Variants in TP53BP1 observed in about 807,000 individuals in gnomAD.
TP53BP1 encodes the protein TP53-binding protein 1.
A neutral mutation model predicts 200.8 loss-of-function variants in TP53BP1; 61 were observed. That is an observed-to-expected ratio of 0.30 (90% confidence interval 0.25 to 0.38). The LOEUF is 0.38. TP53BP1 is among the 10% of genes least tolerant of loss of function. The pLI, the probability that TP53BP1 is intolerant of heterozygous loss-of-function variation, is 1.00. For synonymous variants in TP53BP1, 822 were observed against 844.3 expected (o/e 0.97, Z 0.46); for missense variants, 2,144 against 2,371.9 (o/e 0.90, Z 2.00).
At position 43,423,564 on chromosome 15, in the gene TP53BP1, G is replaced by A. The variant is rs112454934; in HGVS notation, c.3829-1438C>T. 6.9e-3 allele frequency among the ~76,000 whole-genome samples: 967 copies of A among 139,908 alleles called. 8 individuals carry two copies. Among genetic ancestry groups the A allele is most frequent in the African/African-American group, 0.028 (917 of 32,568 alleles). The allele number at this position is 139,908 out of a possible 152,430, so 91.8% of individuals were successfully genotyped here. On this transcript the variant is annotated intron_variant, in intron 18 of 27. Transcript: ENST00000382044. Reference sequence around the variant, plus strand: ...CCCAGGTACTCGAAAAGCTGAGGCAGAAGAATCACATGTGAACCTGGGAGA... The same window carrying A: ...CCCAGGTACTCGAAAAGCTGAGGCAAAAGAATCACATGTGAACCTGGGAGA...
chr15:43,479,655 C>G, intron 6 of TP53BP1, 129 bp from the exon 7 acceptor site: 3 of 1,196,092 alleles, frequency 2.5e-6, no homozygotes, highest in Non-Finnish European at 3.5e-6. Context: ...AGGCATCAGT[C>G]TATAAAGGAA....
At position 43,456,559 on chromosome 15, in the gene TP53BP1, T is replaced by C. The variant is rs146377233; in HGVS notation, c.2049A>G (p.Glu683=). Residue 683 remains glutamate, a synonymous_variant, in exon 12 of 28, where the codon GAA becomes GAG. Coordinates refer to ENST00000382044, the MANE Select transcript of TP53BP1 (RefSeq NM_001141980.3). Reference sequence around the variant, plus strand: ...CACTCTCCATATTTTCTTCTTTGAGTTCCTCTCCTTGACTTTCACAAGGTG... The same window carrying C: ...CACTCTCCATATTTTCTTCTTTGAGCTCCTCTCCTTGACTTTCACAAGGTG... ...PETPCESQGE[E]LKEENMESVP... 9 of 1,612,972 alleles carry C rather than the reference T, an allele frequency of 5.6e-6. No homozygotes were observed. The highest frequency in any genetic ancestry group is 1.6e-4 in the Middle Eastern group (1 of 6,070).
At chr15:43,458,614 T>C (rs1293720531) in intron 11 of TP53BP1, among the ~76,000 whole-genome samples, 2 of 151,808 alleles carry the variant, frequency 1.3e-5, no homozygotes, top group Non-Finnish European at 2.9e-5. Flanking sequence ...ACCCCATGTC[T>C]ACAGAAACTT....
chr15:43,492,728 C>T (rs1409845444), intron 1 of TP53BP1, among the ~76,000 whole-genome samples: 2 of 151,832 alleles, frequency 1.3e-5, no homozygotes, highest in Non-Finnish European at 2.9e-5. Context: ...CTTTCCCCTC[C>T]TTCCTAACCT....
At position 43,438,993 on chromosome 15, in the gene TP53BP1, A is replaced by G. The variant is rs1463178535; in HGVS notation, c.3099-577T>C. The stretch of plus-strand genomic sequence containing the variant: ...CCTTATCTTTTGGAGACAGCACTGA[A>G]GTATTTCAGATAAAATTATATAATG... On this transcript the variant is annotated intron_variant, in intron 15 of 27. Coordinates refer to ENST00000382044, the MANE Select transcript of TP53BP1 (RefSeq NM_001141980.3). Among the ~76,000 whole-genome samples the G allele has an allele frequency of 2.0e-5, 3 of 152,214 alleles. No homozygotes were observed. In the East Asian group the frequency reaches 5.8e-4, roughly 29 times the overall value.
chr15:43,492,217 A>G (rs879014783), intron 2 of TP53BP1, 67 bp downstream of exon 2: 4 of 1,522,882 alleles, frequency 2.6e-6, no homozygotes, highest in Non-Finnish European at 3.6e-6. Context: ...CTAAATACTT[A>G]TGTTTGCTGG....
chr15:43,489,848 C>T (rs2079095834), intron 4 of TP53BP1, among the ~76,000 whole-genome samples: 2 of 152,012 alleles, frequency 1.3e-5, no homozygotes, highest in Admixed American at 1.3e-4. Context: ...ATTTATTTTA[C>T]TTGATGATTT....
intron 12 of TP53BP1, among the ~76,000 whole-genome samples, chr15:43,453,380 T>A (rs1407218274): frequency 1.3e-5 from 2 of 152,024 alleles, no homozygotes; most frequent in Non-Finnish European, 2.9e-5. Flanking sequence ...AATCAAATAA[T>A]CTGTATTAAG....
rs575614482 is a variant in TP53BP1, at chr15:43,432,098, G to T, written c.3675+96C>A. ...CCACTGTTCTGTACAAAACTGTCAAGAATTGTCATTAGGCAGACATGCCAC... is the reference window on the plus strand; with the variant it reads ...CCACTGTTCTGTACAAAACTGTCAATAATTGTCATTAGGCAGACATGCCAC... On this transcript the variant is annotated intron_variant, in intron 17 of 27. Transcript: ENST00000382044. 2.0e-6 allele frequency: 3 copies of T among 1,499,570 alleles called. No individual in the cohort carries two copies. In the South Asian group the frequency reaches 4.0e-5, roughly 20 times the overall value. 92.9% of individuals were successfully genotyped at this position (1,499,570 alleles called of 1,614,324 possible).
intron 15 of TP53BP1, 99 bp from the exon 16 acceptor site, chr15:43,438,515 T>A: frequency 9.9e-7 from 1 of 1,007,654 alleles, no homozygotes; most frequent in Non-Finnish European, 1.4e-6. Flanking sequence ...ATGCTTTCTC[T>A]GCATATCAAA....
chr15:43,499,227 C>T (rs1285301141), intron 1 of TP53BP1, among the ~76,000 whole-genome samples: 1 of 151,848 alleles, frequency 6.6e-6, no homozygotes, highest in Non-Finnish European at 1.5e-5. Flanking sequence ...GTAACGTCTA[C>T]GTACAAAGAA....
chr15:43,480,698 G>A (rs952251033), intron 5 of TP53BP1, among the ~76,000 whole-genome samples, 197 bp downstream of exon 5: 1 of 152,004 alleles, frequency 6.6e-6, no homozygotes, highest in South Asian at 2.1e-4. Context: ...ATGCAGAAAG[G>A]GGCTAACCAA....
intron 10 of TP53BP1, 132 bp from the exon 11 acceptor site, chr15:43,470,198 G>A: frequency 1.3e-6 from 1 of 764,248 alleles, no homozygotes; most frequent in Non-Finnish European, 2.1e-6. Context: ...TTTCAGAAAA[G>A]CTGACAGAAT....
Position 43,479,528 on chromosome 15 carries a change from TGA to T in TP53BP1, c.659-4_659-3del, listed in dbSNP as rs772732885. The T allele has an allele frequency of 6.2e-7, 1 of 1,605,814 alleles. No homozygotes were observed. The highest frequency in any genetic ancestry group is 1.3e-5 in the African/African-American group (1 of 74,510). On this transcript the variant is annotated splice_region_variant and splice_polypyrimidine_tract_variant and intron_variant, in intron 6 of 27. Transcript: ENST00000382044. ...TGGACTGTTCTTCATGCTTAATTGCTGAGAGTTTTATAAAATGACAGGAAGGA... is the reference window on the plus strand; with the variant it reads ...TGGACTGTTCTTCATGCTTAATTGCTGAGTTTTATAAAATGACAGGAAGGA...
intron 4 of TP53BP1, among the ~76,000 whole-genome samples, chr15:43,484,125 T>C (rs1051080435): frequency 1.3e-5 from 2 of 152,218 alleles, no homozygotes; most frequent in Non-Finnish European, 2.9e-5. Flanking sequence ...CAGTCTTCTC[T>C]ATCTTAACTG....
intron 11 of TP53BP1, among the ~76,000 whole-genome samples, chr15:43,464,286 T>C (rs1194708069): frequency 6.6e-6 from 1 of 152,154 alleles, no homozygotes; most frequent in African/African-American, 2.4e-5. Context: ...CTGTTATTAA[T>C]ACTGTTACAG....
chr15:43,479,031 C>A (rs1286212920), intron 7 of TP53BP1, among the ~76,000 whole-genome samples: 1 of 152,056 alleles, frequency 6.6e-6, no homozygotes, highest in Non-Finnish European at 1.5e-5. Flanking sequence ...AGCAACATAG[C>A]GAGACTCCAT....
Position 43,456,601 on chromosome 15 carries a change from C to T in TP53BP1, c.2007G>A (p.Val669=). Residue 669 remains valine, a synonymous_variant, in exon 12 of 28, where the codon GTG becomes GTA. Coordinates refer to ENST00000382044, the MANE Select transcript of TP53BP1 (RefSeq NM_001141980.3). The part of the protein sequence containing the change: ...HPEEGSSGSE[V]EEIPETPCES... ...CACAAGGTGTCTCAGGGATTTCTTC[C>T]ACCTCAGACCCTGAAGACCCCTCCT... The T allele has an allele frequency of 4.3e-6, 7 of 1,614,072 alleles. No homozygotes were observed. The highest frequency in any genetic ancestry group is 5.9e-6 in the Non-Finnish European group (7 of 1,180,020).
intron 8 of TP53BP1, among the ~76,000 whole-genome samples, chr15:43,476,268 A>AAAAT (rs1199779059): frequency 9.9e-5 from 15 of 152,172 alleles, no homozygotes; most frequent in African/African-American, 3.1e-4. Context: ...CCGTCTCAAA[A>AAAAT]AAATAAATAA....
Sources: gnomAD v4.1 joint callset for allele counts (sites outside exome capture counted in the v4.1 genomes callset) on GRCh38, gnomAD v4.1.1 for gene constraint, MANE v1.5 for transcripts, NCBI Gene and HGNC (gene_info 2026-07-23, HGNC 2026-07-21) for gene names.